The following RAPGEF2 variants were observed in gnomAD, a reference collection of about 807,000 sequenced individuals.
The protein encoded by RAPGEF2 is PDZ domain containing guanine nucleotide exchange factor (GEF) 1.
Under a neutral mutation model 186.7 loss-of-function variants are expected in RAPGEF2, and 54 were observed. The observed-to-expected ratio is 0.29, with a 90% CI of 0.23 to 0.36. The LOEUF is 0.36. Among genes scored for constraint, RAPGEF2 ranks in the 10% least tolerant of loss-of-function variants. RAPGEF2 has a pLI of 1.00. For synonymous variants in RAPGEF2, 712 were observed against 705.9 expected, an observed-to-expected ratio of 1.01 and a Z score of -0.14; for missense variants, 1,532 against 2,045.0, an observed-to-expected ratio of 0.75 and a Z score of 4.84.
At chr4:159,183,529 A>C (rs1374303459) in intron 1 of RAPGEF2, among the ~76,000 whole-genome samples, 1 of 152,190 alleles carries the variant, frequency 6.6e-6, no homozygotes, top group East Asian at 1.9e-4. Flanking sequence ...TATTACTCTA[A>C]AAGCTCATGC....
chr4:159,105,477 C>G (rs1257870718), intron 1 of RAPGEF2, among the ~76,000 whole-genome samples: 1 of 152,140 alleles, frequency 6.6e-6, no homozygotes, highest in Non-Finnish European at 1.5e-5. Flanking sequence ...TTTCATTTTC[C>G]TTGATGGAGC....
chr4:159,238,718 T>C, intron 4 of RAPGEF2, 91 bp from the exon 5 acceptor site: 1 of 833,444 alleles, frequency 1.2e-6, no homozygotes, highest in Middle Eastern at 2.6e-4. Flanking sequence ...TTTTAATTTT[T>C]ATTTATCAGG....
intron 1 of RAPGEF2, among the ~76,000 whole-genome samples, chr4:159,115,296 T>C (rs974091705): frequency 6.6e-6 from 1 of 152,228 alleles, no homozygotes; most frequent in African/African-American, 2.4e-5. Context: ...AGATATTTAC[T>C]ATTTTCAATA....
intron 7 of RAPGEF2, among the ~76,000 whole-genome samples, chr4:159,248,025 G>A (rs1156294469): frequency 6.6e-6 from 1 of 152,098 alleles, no homozygotes; most frequent in Non-Finnish European, 1.5e-5. Flanking sequence ...GCCTCCTAAA[G>A]TGCTGGGATT....
rs1273624679 is a variant in RAPGEF2, at chr4:159,304,233, C to T, written c.544-109C>T. 13 of 1,003,004 alleles carry T rather than the reference C, an allele frequency of 1.3e-5. No individual in the cohort carries two copies. In the Admixed American group the frequency reaches 2.9e-4, roughly 23 times the overall value. 62.1% of individuals were successfully genotyped at this position (1,003,004 alleles called of 1,614,324 possible). A position where few individuals can be genotyped will look rare whatever the true frequency, so the allele number is the denominator to read the frequency against. On this transcript the variant is annotated intron_variant, in intron 7 of 29. Coordinates refer to ENST00000691494, the MANE Select transcript of RAPGEF2 (RefSeq NM_001394067.2). ...ATTTGTGAATGTGGAAAATGAATAC[C>T]ATTTTTAGTTCAATGGTATAGAATA... is the stretch of plus-strand genomic sequence containing the variant.
intron 3 of RAPGEF2, among the ~76,000 whole-genome samples, chr4:159,198,240 CTTTCTTCCTTTCTTTCTTTCTCTTTCT>C (rs1285324616): frequency 0.011 from 1,336 of 126,596 alleles, 47 homozygotes; most frequent in East Asian, 0.02. Context: ...TCTTTTCTTT[CTTTCTTCCTTTCTTTCTTTCTCTTTCT>C]TTCCTTCTTT....
chr4:159,295,831 G>T lies in RAPGEF2; in HGVS notation c.544-8511G>T, dbSNP rs10015514. Among the ~76,000 whole-genome samples the T allele has an allele frequency of 8.2e-3, 1,237 of 151,018 alleles. 13 individuals carry two copies. The highest frequency in any genetic ancestry group is 0.028 in the African/African-American group (1,166 of 41,310). ...GTTGGGGAAATTATATAAAAGACAAGGTTTTGTTTCCACCAAAATCAACTA... is the reference window on the plus strand; with the variant it reads ...GTTGGGGAAATTATATAAAAGACAATGTTTTGTTTCCACCAAAATCAACTA... On this transcript the variant is annotated intron_variant, in intron 7 of 29. Coordinates refer to ENST00000691494, the MANE Select transcript of RAPGEF2 (RefSeq NM_001394067.2).
Position 159,104,156 on chromosome 4 carries a change from A to T in RAPGEF2, c.-7A>T. 1 of 1,520,808 alleles carries T rather than the reference A, an allele frequency of 6.6e-7. No homozygotes were observed. The highest frequency in any genetic ancestry group is 2.0e-5 in the Admixed American group (1 of 49,902). 94.2% of individuals were successfully genotyped at this position (1,520,808 alleles called of 1,614,324 possible). The stretch of plus-strand genomic sequence containing the variant: ...CGGAGCGGCCCCGGCCCGCTCCCAG[A>T]GGGGAGATGGCGTCCTACGTAGATA... On this transcript the variant is annotated 5_prime_UTR_variant, in exon 1 of 30. Transcript: ENST00000691494.
chr4:159,154,012 G>A (rs1743843516), intron 1 of RAPGEF2, among the ~76,000 whole-genome samples: 2 of 152,254 alleles, frequency 1.3e-5, no homozygotes, highest in Admixed American at 6.5e-5. Flanking sequence ...TAAACTGAGT[G>A]GTTAGATACG....
At chr4:159,300,495 C>T (rs956998714) in intron 7 of RAPGEF2, among the ~76,000 whole-genome samples, 10 of 151,486 alleles carry the variant, frequency 6.6e-5, no homozygotes. Flanking sequence ...TGAAAAGATT[C>T]CTTGGAATTG....
intron 7 of RAPGEF2, among the ~76,000 whole-genome samples, chr4:159,286,841 A>G (rs927518198): frequency 6.6e-6 from 1 of 152,070 alleles, no homozygotes; most frequent in Non-Finnish European, 1.5e-5. Context: ...AACATTGATT[A>G]TTATATTTTG....
chr4:159,251,507 C>T (rs1755387587), intron 7 of RAPGEF2, among the ~76,000 whole-genome samples: 1 of 152,040 alleles, frequency 6.6e-6, no homozygotes, highest in South Asian at 2.1e-4. Flanking sequence ...CTGTATCCAG[C>T]TAATCTGGTA....
chr4:159,186,547 C>T (rs1747573767), intron 1 of RAPGEF2, 95 bp from the exon 2 acceptor site: 4 of 528,316 alleles, frequency 7.6e-6, no homozygotes, highest in South Asian at 3.7e-5. Flanking sequence ...AAAAGCTATC[C>T]ATAGTTTAAT....
chr4:159,234,405 C>T (rs557573198), intron 4 of RAPGEF2, among the ~76,000 whole-genome samples: 62 of 152,194 alleles, frequency 4.1e-4, no homozygotes, highest in Non-Finnish European at 7.4e-4. Flanking sequence ...TTTTTTGAGA[C>T]GGAATCTTGC....
intron 1 of RAPGEF2, among the ~76,000 whole-genome samples, chr4:159,142,138 T>C (rs1249305838): frequency 6.6e-6 from 1 of 152,236 alleles, no homozygotes; most frequent in Non-Finnish European, 1.5e-5. Flanking sequence ...AATGATTTAA[T>C]TTGGGTATTT....
At chr4:159,196,448 TGAGTA>T (rs989959254) in intron 3 of RAPGEF2, among the ~76,000 whole-genome samples, 2 of 152,156 alleles carry the variant, frequency 1.3e-5, no homozygotes, top group African/African-American at 2.4e-5. Context: ...GACCAAGAAA[TGAGTA>T]GAGTAGTCAT....
At chr4:159,106,955 GA>G (rs201483787) in intron 1 of RAPGEF2, among the ~76,000 whole-genome samples, 1,579 of 152,276 alleles carry the variant, frequency 0.01, 28 homozygotes, top group African/African-American at 0.035. Context: ...TATCTTTAGA[GA>G]GGGGGAATAG....
At chr4:159,149,321 C>T (rs1392645299) in intron 1 of RAPGEF2, among the ~76,000 whole-genome samples, 1 of 152,226 alleles carries the variant, frequency 6.6e-6, no homozygotes, top group East Asian at 1.9e-4. Context: ...AGTGCAGTGG[C>T]GTGATCTTGG....
chr4:159,242,462 T>A (rs1234469920), intron 6 of RAPGEF2, among the ~76,000 whole-genome samples: 2 of 151,824 alleles, frequency 1.3e-5, no homozygotes, highest in African/African-American at 4.8e-5. Flanking sequence ...ATATATCTTA[T>A]ACCCACACTT....
Sources: gnomAD v4.1 joint callset for allele counts (sites outside exome capture counted in the v4.1 genomes callset) on GRCh38, gnomAD v4.1.1 for gene constraint, MANE v1.5 for transcripts, NCBI Gene and HGNC (gene_info 2026-07-23, HGNC 2026-07-21) for gene names.